PRKG1: variants seen among roughly 807,000 people sequenced by gnomAD.
PRKG1 encodes the protein cGMP-dependent protein kinase 1.
In PRKG1, 35 loss-of-function variants were observed where a neutral mutation model predicts 88.1. That is an observed-to-expected ratio of 0.40 (90% CI 0.30 to 0.53). PRKG1 has a LOEUF of 0.53. PRKG1 is among the 20% of genes least tolerant of loss of function. The pLI is 0.59. For synonymous variants in PRKG1, 303 were observed against 292.5 expected (o/e 1.04, Z -0.37); for missense variants, 540 against 839.8 (o/e 0.64, Z 4.41).
chr10:51,078,637 G>C (rs1175895697), intron 1 of PRKG1, among the ~76,000 whole-genome samples: 1 of 137,428 alleles, frequency 7.3e-6, no homozygotes, highest in Non-Finnish European at 1.6e-5. Flanking sequence ...TATTTATTGA[G>C]ACGGAGTCTC....
At chr10:52,224,836 T>TATATATATATATATATATATATACAC (rs1457134141) in intron 9 of PRKG1, among the ~76,000 whole-genome samples, 1 of 89,846 alleles carries the variant, frequency 1.1e-5, no homozygotes, top group Non-Finnish European at 2.5e-5. Context: ...TATATATATA[T>TATATATATATATATATATATATACAC]ATACATACAT....
chr10:51,719,156 A>AAAGAGAG (rs57226820), intron 3 of PRKG1, among the ~76,000 whole-genome samples: 8 of 150,222 alleles, frequency 5.3e-5, no homozygotes, highest in African/African-American at 2.0e-4. Context: ...TCTCAAAAAA[A>AAAGAGAG]AGAGAGAGAG....
At chr10:51,461,147 T>C (rs1839733353) in intron 2 of PRKG1, among the ~76,000 whole-genome samples, 1 of 152,162 alleles carries the variant, frequency 6.6e-6, no homozygotes, top group Non-Finnish European at 1.5e-5. Context: ...GTTTCAAGTG[T>C]ATTTATAGCA....
chr10:50,991,788 C>G lies in PRKG1; in HGVS notation c.266+144C>G, dbSNP rs1391030543. ...GCGGAGTGGGGGTGGCCCCGCGGCC[C>G]GGGAATGGGAAGTGTTTATTTTTAT... is the stretch of plus-strand genomic sequence containing the variant. On this transcript the variant is annotated intron_variant, in intron 1 of 17. Transcript: ENST00000401604. The surrounding 1 kb of genome is among the most constrained non-coding windows in gnomAD (Gnocchi z 4.5). 27 of 519,476 alleles carry G rather than the reference C, an allele frequency of 5.2e-5. No individual in the cohort carries two copies. The Admixed American group carries it at 1.3e-3, about 25-fold the overall frequency. The allele number at this position is 519,476 out of a possible 1,614,324, so 32.2% of individuals were successfully genotyped here.
intron 4 of PRKG1, among the ~76,000 whole-genome samples, chr10:51,847,051 A>C (rs1422949620): frequency 6.6e-6 from 1 of 152,166 alleles, no homozygotes; most frequent in African/African-American, 2.4e-5. Context: ...TGAGAGCTTT[A>C]TTCTAATAGC....
intron 9 of PRKG1, among the ~76,000 whole-genome samples, chr10:52,186,599 A>G (rs1450279643): frequency 6.6e-6 from 1 of 152,064 alleles, no homozygotes; most frequent in Non-Finnish European, 1.5e-5. Flanking sequence ...TGCGTTATGT[A>G]TCTTGTACAT....
At chr10:51,669,907 G>T (rs539357992) in intron 3 of PRKG1, among the ~76,000 whole-genome samples, 16 of 152,074 alleles carry the variant, frequency 1.1e-4, no homozygotes, top group Non-Finnish European at 2.1e-4. Flanking sequence ...ATTATGCTAA[G>T]TTTTTATATC....
rs940040523 is a variant in PRKG1 at position 52,294,059 on chromosome 10, G to A, written c.*159G>A. On this transcript the variant is annotated 3_prime_UTR_variant, in exon 18 of 18. Transcript: ENST00000373980. ...AACTACAGTGGCATTAGGACTTACC[G>A]CTTAGATGACAATAGTGCTCTTTAC... 3.9e-5 allele frequency: 22 copies of A among 558,994 alleles called. No homozygotes were observed. The highest frequency in any genetic ancestry group is 6.5e-5 in the Admixed American group (2 of 30,804). The allele number at this position is 558,994 out of a possible 1,614,324, so 34.6% of individuals were successfully genotyped here.
At chr10:51,520,644 G>A (rs1841711915) in intron 3 of PRKG1, among the ~76,000 whole-genome samples, 1 of 151,902 alleles carries the variant, frequency 6.6e-6, no homozygotes. Context: ...GATAGCTAGA[G>A]GAAACCTGGT....
chr10:51,558,410 T>C (rs926608197), intron 3 of PRKG1, among the ~76,000 whole-genome samples: 47 of 152,144 alleles, frequency 3.1e-4, no homozygotes, highest in African/African-American at 1.1e-3. Context: ...CCATACTTGG[T>C]TAAAAAAAAT....
intron 5 of PRKG1, among the ~76,000 whole-genome samples, chr10:52,015,865 A>G (rs1347439404): frequency 2.0e-5 from 3 of 152,216 alleles, no homozygotes; most frequent in Non-Finnish European, 4.4e-5. Flanking sequence ...AAATGCTGCC[A>G]GTGTCTTTGC....
Position 51,974,278 on chromosome 10 carries a change from G to A in PRKG1, c.762+66708G>A, listed in dbSNP as rs116251080. On this transcript the variant is annotated intron_variant, in intron 5 of 17. Coordinates refer to ENST00000373980, the MANE Select transcript of PRKG1 (RefSeq NM_006258.4). ...AACCCTGTGTGAATGATGACTACTG[G>A]GAGGTACACAGCAGTGTCAGCCTTA... is the stretch of plus-strand genomic sequence containing the variant. Among the ~76,000 whole-genome samples the A allele has an allele frequency of 4.7e-3, 709 of 152,148 alleles. 5 individuals carry two copies. Among genetic ancestry groups the A allele is most frequent in the African/African-American group, 0.015 (643 of 41,494 alleles).
chr10:51,879,865 A>AAATATACT (rs1189550810), intron 4 of PRKG1, among the ~76,000 whole-genome samples: 7 of 152,234 alleles, frequency 4.6e-5, no homozygotes, highest in Non-Finnish European at 1.5e-5. Context: ...GGAATTTCAC[A>AAATATACT]AATATACTAC....
Position 51,867,593 on chromosome 10 carries a change from A to G in PRKG1, c.699-39914A>G, listed in dbSNP as rs183969480. Reference sequence around the variant, plus strand: ...GAGTTAAATGTGGGGGAAGCAAGGGAAAAAGGAAGGAGTCTAGGAAACTGC... The same window carrying G: ...GAGTTAAATGTGGGGGAAGCAAGGGGAAAAGGAAGGAGTCTAGGAAACTGC... On this transcript the variant is annotated intron_variant, in intron 4 of 17. Transcript: ENST00000373980. Among the ~76,000 whole-genome samples, 43 of 152,256 alleles carry G rather than the reference A, an allele frequency of 2.8e-4. No homozygotes were observed. In the East Asian group the frequency reaches 7.7e-3, roughly 27 times the overall value.
intron 4 of PRKG1, among the ~76,000 whole-genome samples, chr10:51,817,336 AT>A (rs1358796540): frequency 6.0e-4 from 70 of 117,332 alleles, no homozygotes; most frequent in African/African-American, 2.4e-3. Flanking sequence ...TCCTAGTGCT[AT>A]CCCTCCCCAA....
chr10:51,725,205 A>C (rs1309543025), intron 3 of PRKG1, among the ~76,000 whole-genome samples: 1 of 152,204 alleles, frequency 6.6e-6, no homozygotes, highest in African/African-American at 2.4e-5. Context: ...CATTCAGCCC[A>C]ATGCATATGG....
At chr10:52,252,146 T>C (rs139465706) in intron 10 of PRKG1, 2 of 154,196 alleles carry the variant, frequency 1.3e-5, no homozygotes, top group East Asian at 3.8e-4. Flanking sequence ...TGCAAGTACC[T>C]ATTTCTAGTC....
chr10:51,704,329 G>T (rs1008438835), intron 3 of PRKG1, among the ~76,000 whole-genome samples: 1 of 152,046 alleles, frequency 6.6e-6, no homozygotes, highest in African/African-American at 2.4e-5. Context: ...AGCACAGGTG[G>T]ATGTTCATTA....
chr10:51,850,521 A>ATG (rs1198371115), intron 4 of PRKG1, among the ~76,000 whole-genome samples: 3 of 151,848 alleles, frequency 2.0e-5, no homozygotes, highest in African/African-American at 2.4e-5. Flanking sequence ...GTATATGTAT[A>ATG]TATTTGCATA....
Sources: allele counts gnomAD v4.1 joint callset (sites outside exome capture counted in the v4.1 genomes callset), GRCh38; gene constraint gnomAD v4.1.1; non-coding constraint Gnocchi (gnomAD v3.1); transcripts MANE v1.5; gene names NCBI Gene and HGNC (gene_info 2026-07-23, HGNC 2026-07-21).